The following IGFBP5 variants were observed in gnomAD, a reference collection of about 807,000 sequenced individuals.
IGFBP5 encodes insulin-like growth factor-binding protein 5.
A neutral mutation model predicts 28.0 loss-of-function variants in IGFBP5; 12 were observed. The ratio of observed to expected loss-of-function variants is 0.43; its 90% CI spans 0.27 to 0.69. IGFBP5 has a LOEUF of 0.69. IGFBP5 is among the 30% of genes least tolerant of loss of function. The probability of loss-of-function intolerance (pLI) is 0.20; values close to 1 mark genes in which losing one functional copy is unlikely to be tolerated. For synonymous variants in IGFBP5, 152 were observed against 150.2 expected (o/e 1.01, Z -0.09); for missense variants, 344 against 381.6 (o/e 0.90, Z 0.82).
rs1574584743 is a variant in IGFBP5 at position 216,694,184 on chromosome 2, T to C, written c.337+255A>G. On this transcript the variant is annotated intron_variant, in intron 1 of 3. Coordinates refer to ENST00000233813, the MANE Select transcript of IGFBP5 (RefSeq NM_000599.4). This position sits in a 1 kb window ranked among gnomAD's most constrained non-coding sequence, Gnocchi z 5.2. ...GCTCAGAATCAGTATTCGGACAGAG[T>C]AGGGGGAGGGGGCGGGCAACGTGTG... Among the ~76,000 whole-genome samples, 1 of 143,172 alleles carries C rather than the reference T, an allele frequency of 7.0e-6. No individual in the cohort carries two copies. The highest frequency in any genetic ancestry group is 2.6e-5 in the African/African-American group (1 of 37,784). 93.9% of individuals were successfully genotyped at this position (143,172 alleles called of 152,430 possible).
rs374189892 is a variant in IGFBP5, at chr2:216,672,726, G to A, written c.*4025C>T. 41 of 152,676 alleles carry A rather than the reference G, an allele frequency of 2.7e-4. No individual in the cohort carries two copies. Among genetic ancestry groups the A allele is most frequent in the South Asian group, 1.0e-3 (5 of 4,812 alleles). The allele number at this position is 152,676 out of a possible 1,614,324, so 9.5% of individuals were successfully genotyped here. A position where few individuals can be genotyped will look rare whatever the true frequency, so the allele number is the denominator to read the frequency against. On this transcript the variant is annotated 3_prime_UTR_variant, in exon 4 of 4. Transcript: ENST00000233813. ...GGGAAGCTGGGGTCCCCTTCCCCTC[G>A]GACCCTCCCCACCTTCCCTTTCCCC...
intron 1 of IGFBP5, among the ~76,000 whole-genome samples, chr2:216,689,599 C>G (rs113327030): frequency 6.6e-6 from 1 of 152,194 alleles, no homozygotes; most frequent in African/African-American, 2.4e-5. Flanking sequence ...CAGTGACTAG[C>G]GAGAAAGCCA....
intron 1 of IGFBP5, among the ~76,000 whole-genome samples, chr2:216,686,644 G>T (rs1689037504): frequency 6.8e-6 from 1 of 146,084 alleles, no homozygotes; most frequent in Admixed American, 6.9e-5. Context: ...ACAAACCTTG[G>T]TACAGATTTA....
Position 216,672,291 on chromosome 2 carries a change from C to T in IGFBP5, c.*4460G>A, listed in dbSNP as rs897190852. 1.4e-5 allele frequency: 2 copies of T among 145,396 alleles called. No homozygotes were observed. Among genetic ancestry groups the T allele is most frequent in the East Asian group, 2.0e-4 (1 of 5,106 alleles). The allele number at this position is 145,396 out of a possible 1,614,324, so 9.0% of individuals were successfully genotyped here. On this transcript the variant is annotated 3_prime_UTR_variant, in exon 4 of 4. Coordinates refer to ENST00000233813, the MANE Select transcript of IGFBP5 (RefSeq NM_000599.4). The stretch of plus-strand genomic sequence containing the variant: ...ATGCTAAACGGGAGCCGAGCTCTTC[C>T]GCATTCAGGTGTTTTTTTTTTTTTT...
intron 1 of IGFBP5, among the ~76,000 whole-genome samples, chr2:216,684,751 G>A (rs1313234367): frequency 2.0e-5 from 3 of 152,214 alleles, no homozygotes; most frequent in African/African-American, 7.2e-5. Flanking sequence ...GGAGAGATGT[G>A]TAAATCTGCC....
Position 216,676,491 on chromosome 2 carries a change from C to T in IGFBP5, c.*260G>A. On this transcript the variant is annotated 3_prime_UTR_variant, in exon 4 of 4. Transcript: ENST00000233813. Reference sequence around the variant, plus strand: ...TCTCGTTCTTCCTCTCTTCCCTTCTCTGTTCATCCAACTTGCCTCAAAAAG... The same window carrying T: ...TCTCGTTCTTCCTCTCTTCCCTTCTTTGTTCATCCAACTTGCCTCAAAAAG... 1 of 287,372 alleles carries T rather than the reference C, an allele frequency of 3.5e-6. No homozygotes were observed. Among genetic ancestry groups the T allele is most frequent in the Non-Finnish European group, 6.6e-6 (1 of 151,002 alleles). The allele number at this position is 287,372 out of a possible 1,614,324, so 17.8% of individuals were successfully genotyped here. A position where few individuals can be genotyped will look rare whatever the true frequency, so the allele number is the denominator to read the frequency against.
At chr2:216,688,458 G>GT (rs765563536) in intron 1 of IGFBP5, among the ~76,000 whole-genome samples, 48 of 152,020 alleles carry the variant, frequency 3.2e-4, no homozygotes, top group African/African-American at 8.2e-4. Context: ...TAATTTCCCT[G>GT]TTTTTTTTAC....
chr2:216,692,717 C>T lies in IGFBP5; in HGVS notation c.337+1722G>A, dbSNP rs945908933. 2.0e-5 allele frequency among the ~76,000 whole-genome samples: 3 copies of T among 152,088 alleles called. No individual in the cohort carries two copies. Among genetic ancestry groups the T allele is most frequent in the South Asian group, 2.1e-4 (1 of 4,822 alleles). ...ATCTCACAAGCCGGTCTCTGGGGTT[C>T]CCAGAGCCTGCACATCCTCCCCTTT... On this transcript the variant is annotated intron_variant, in intron 1 of 3. Coordinates refer to ENST00000233813, the MANE Select transcript of IGFBP5 (RefSeq NM_000599.4). The surrounding 1 kb of genome is among the most constrained non-coding windows in gnomAD (Gnocchi z 4.2).
At chr2:216,690,768 G>A (rs1689085571) in intron 1 of IGFBP5, among the ~76,000 whole-genome samples, 1 of 151,958 alleles carries the variant, frequency 6.6e-6, no homozygotes. Flanking sequence ...GGGAAGAGTA[G>A]GAGGGAGGGG....
rs1253351559 is a variant in IGFBP5 at position 216,673,762 on chromosome 2, GA to G, written c.*2988del. Reference sequence around the variant, plus strand: ...TCCCTCACACCCTGCCATGGGGGAAGAGGTGCCGTCTTCCTCCAGTGCCTCC... The same window carrying G: ...TCCCTCACACCCTGCCATGGGGGAAGGGTGCCGTCTTCCTCCAGTGCCTCC... On this transcript the variant is annotated 3_prime_UTR_variant, in exon 4 of 4. Transcript: ENST00000233813. This position sits in a 1 kb window ranked among gnomAD's most constrained non-coding sequence, Gnocchi z 4.3. 1.3e-5 allele frequency: 2 copies of G among 152,446 alleles called. No homozygotes were observed. The allele number at this position is 152,446 out of a possible 1,614,324, so 9.4% of individuals were successfully genotyped here.
At chr2:216,678,333 G>T in intron 2 of IGFBP5, 102 bp from the exon 3 acceptor site, 1 of 1,239,464 alleles carries the variant, frequency 8.1e-7, no homozygotes, top group South Asian at 2.3e-5. Context: ...GTCTCTGGAG[G>T]AAAGTCACCA....
intron 1 of IGFBP5, among the ~76,000 whole-genome samples, chr2:216,682,693 T>G (rs1688989709): frequency 6.6e-6 from 1 of 151,288 alleles, no homozygotes; most frequent in South Asian, 2.1e-4. Context: ...GGCACACTTC[T>G]AGGGACTGGA....
At chr2:216,691,648 A>G (rs1031649545) in intron 1 of IGFBP5, among the ~76,000 whole-genome samples, 1 of 151,182 alleles carries the variant, frequency 6.6e-6, no homozygotes, top group Non-Finnish European at 1.5e-5. Context: ...CTAGCAAAAC[A>G]CCCTCTCCTC....
At position 216,675,901 on chromosome 2, in the gene IGFBP5, G is replaced by A. The variant is rs1034789417; in HGVS notation, c.*850C>T. ...ATGAGGGCTGAAACGGCACGCTTCA[G>A]CATGTACTGTAGTCACCGTGGAAGA... is the stretch of plus-strand genomic sequence containing the variant. On this transcript the variant is annotated 3_prime_UTR_variant, in exon 4 of 4. Transcript: ENST00000233813. 7.9e-5 allele frequency: 12 copies of A among 152,172 alleles called. No individual in the cohort carries two copies. The highest frequency in any genetic ancestry group is 1.3e-4 in the Non-Finnish European group (9 of 68,018). 9.4% of individuals were successfully genotyped at this position (152,172 alleles called of 1,614,324 possible). A position where few individuals can be genotyped will look rare whatever the true frequency, so the allele number is the denominator to read the frequency against.
rs35136062 is a variant in IGFBP5 at position 216,679,596 on chromosome 2, C to T, written c.338-517G>A. ...GGCTGTCCTGTTAGTGAGATCTTTG[C>T]ACTTTCAGAGCTGCTGGATGTTGAG... On this transcript the variant is annotated intron_variant, in intron 1 of 3. Coordinates refer to ENST00000233813, the MANE Select transcript of IGFBP5 (RefSeq NM_000599.4). The surrounding 1 kb of genome is among the most constrained non-coding windows in gnomAD (Gnocchi z 4.6). Among the ~76,000 whole-genome samples, 15 of 152,180 alleles carry T rather than the reference C, an allele frequency of 9.9e-5. No homozygotes were observed. The highest frequency in any genetic ancestry group is 4.2e-4 in the South Asian group (2 of 4,814).
At chr2:216,677,007 C>A (rs903852219) in intron 3 of IGFBP5, 125 bp from the exon 4 acceptor site, 15 of 1,041,744 alleles carry the variant, frequency 1.4e-5, no homozygotes, top group Admixed American at 1.1e-4. Context: ...GCACTAGACC[C>A]GACCCTTGGG....
chr2:216,678,313 G>A (rs1688929314), intron 2 of IGFBP5, 82 bp from the exon 3 acceptor site: 2 of 1,368,798 alleles, frequency 1.5e-6, no homozygotes, highest in Non-Finnish European at 1.9e-6. Flanking sequence ...CAGGGGGTGG[G>A]GGCTGAAGGG....
At chr2:216,677,082 G>T (rs1688909450) in intron 3 of IGFBP5, among the ~76,000 whole-genome samples, 200 bp from the exon 4 acceptor site, 1 of 151,426 alleles carries the variant, frequency 6.6e-6, no homozygotes, top group South Asian at 2.1e-4. Context: ...CCTACCCTTG[G>T]CAAGCTCCTT....
rs1688944779 is a variant in IGFBP5 at position 216,679,479 on chromosome 2, C to A, written c.338-400G>T. On this transcript the variant is annotated intron_variant, in intron 1 of 3. Coordinates refer to ENST00000233813, the MANE Select transcript of IGFBP5 (RefSeq NM_000599.4). The surrounding 1 kb of genome is among the most constrained non-coding windows in gnomAD (Gnocchi z 4.6). ...CTGGGGGATGGCCAAGTAGATGGGACATGGCTGGAGGTGGGGCTGAGAAGT... is the reference window on the plus strand; with the variant it reads ...CTGGGGGATGGCCAAGTAGATGGGAAATGGCTGGAGGTGGGGCTGAGAAGT... 2.0e-5 allele frequency among the ~76,000 whole-genome samples: 3 copies of A among 152,040 alleles called. No individual in the cohort carries two copies. Among genetic ancestry groups the A allele is most frequent in the Admixed American group, 2.0e-4 (3 of 15,258 alleles).
Sources: gnomAD v4.1 joint callset for allele counts (sites outside exome capture counted in the v4.1 genomes callset) on GRCh38, gnomAD v4.1.1 for gene constraint, Gnocchi (gnomAD v3.1) non-coding constraint, MANE v1.5 for transcripts, NCBI Gene and HGNC (gene_info 2026-07-23, HGNC 2026-07-21) for gene names.